ATP2B2: variants seen among roughly 807,000 people sequenced by gnomAD.
ATP2B2 encodes the protein ATPase plasma membrane Ca2+ transporting 2, also known as plasma membrane calcium-transporting ATPase 2.
In ATP2B2, 15 loss-of-function variants were observed where a neutral mutation model predicts 120.0. The observed-to-expected ratio is 0.12, with a 90% CI of 0.08 to 0.19. The LOEUF (loss-of-function observed/expected upper bound fraction) is 0.19. ATP2B2 is among the 10% of genes least tolerant of loss of function. ATP2B2 has a pLI of 1.00. For synonymous variants in ATP2B2, 694 were observed against 700.3 expected (o/e 0.99, Z 0.14); for missense variants, 1,045 against 1,719.8 (o/e 0.61, Z 6.94).
At chr3:10,419,287 T>TG (rs1410737218) in intron 2 of ATP2B2, among the ~76,000 whole-genome samples, 2 of 152,066 alleles carry the variant, frequency 1.3e-5, no homozygotes, top group African/African-American at 4.8e-5. Context: ...AATGCCTCTG[T>TG]GGGAAAAAAG....
intron 1 of ATP2B2, among the ~76,000 whole-genome samples, chr3:10,636,031 C>G (rs2070011949): frequency 6.6e-6 from 1 of 152,204 alleles, no homozygotes; most frequent in Non-Finnish European, 1.5e-5. Context: ...AGCCTGGAGA[C>G]CTCTTACACT....
chr3:10,564,675 C>T (rs1231069536), intron 2 of ATP2B2, among the ~76,000 whole-genome samples: 1 of 152,214 alleles, frequency 6.6e-6, no homozygotes, highest in Non-Finnish European at 1.5e-5. Flanking sequence ...CTTGCTACTC[C>T]TTTATGTGCC....
chr3:10,516,430 TCTC>T (rs917988346), intron 3 of ATP2B2, among the ~76,000 whole-genome samples: 31 of 152,270 alleles, frequency 2.0e-4, no homozygotes, highest in East Asian at 3.9e-4. Context: ...TCTATCTTCT[TCTC>T]CTCCTTTTTC....
At chr3:10,387,030 G>T (rs1330109000) in intron 6 of ATP2B2, among the ~76,000 whole-genome samples, 1 of 152,186 alleles carries the variant, frequency 6.6e-6, no homozygotes, top group Non-Finnish European at 1.5e-5. Flanking sequence ...TGAAGACAAT[G>T]AGTACAGGCT....
chr3:10,339,076 A>G (rs1456279532), intron 21 of ATP2B2, among the ~76,000 whole-genome samples: 1 of 152,202 alleles, frequency 6.6e-6, no homozygotes, highest in Admixed American at 6.5e-5. Context: ...AGGCGCTGGC[A>G]TGAATGCAGC....
chr3:10,575,925 C>A (rs2068234576), intron 2 of ATP2B2, among the ~76,000 whole-genome samples: 1 of 152,202 alleles, frequency 6.6e-6, no homozygotes, highest in African/African-American at 2.4e-5. Context: ...GTGTTCAGTT[C>A]TGAGCAAGAT....
intron 1 of ATP2B2, among the ~76,000 whole-genome samples, chr3:10,694,934 G>A (rs1468330907): frequency 1.3e-5 from 2 of 151,972 alleles, no homozygotes; most frequent in Non-Finnish European, 2.9e-5. Context: ...TTAATGGCTG[G>A]CCTGTATGCA....
intron 2 of ATP2B2, among the ~76,000 whole-genome samples, chr3:10,560,764 G>C (rs933641561): frequency 3.3e-5 from 5 of 152,162 alleles, no homozygotes; most frequent in Non-Finnish European, 4.4e-5. Flanking sequence ...CTGGGGGCTG[G>C]ATTCGAGCAC....
At chr3:10,351,478 A>G (rs1559546544) in intron 14 of ATP2B2, among the ~76,000 whole-genome samples, 1 of 152,164 alleles carries the variant, frequency 6.6e-6, no homozygotes, top group Non-Finnish European at 1.5e-5. Context: ...GCCTGTTAGA[A>G]TCTCCAGCCT....
intron 22 of ATP2B2, 110 bp downstream of exon 22, chr3:10,338,066 C>T: frequency 6.9e-7 from 1 of 1,458,228 alleles, no homozygotes; most frequent in Admixed American, 1.9e-5. Context: ...CTGTAGCCAC[C>T]CTCCCTCAGC....
chr3:10,498,449 T>A (rs1198707196), intron 1 of ATP2B2, among the ~76,000 whole-genome samples: 2 of 152,232 alleles, frequency 1.3e-5, no homozygotes, highest in African/African-American at 4.8e-5. Context: ...TCACTCAGCG[T>A]GGATGCCTCA....
Position 10,326,733 on chromosome 3 carries a change from C to T in ATP2B2, c.*2081G>A, listed in dbSNP as rs997349798. 6 of 398,926 alleles carry T rather than the reference C, an allele frequency of 1.5e-5. No individual in the cohort carries two copies. Among genetic ancestry groups the T allele is most frequent in the African/African-American group, 8.2e-5 (4 of 48,626 alleles). 24.7% of individuals were successfully genotyped at this position (398,926 alleles called of 1,614,324 possible). Reference sequence around the variant, plus strand: ...ACTTCTTCACGACATTCAGGTGATGCGCTCTTGAAGGTCCTCCTTCCAGGA... The same window carrying T: ...ACTTCTTCACGACATTCAGGTGATGTGCTCTTGAAGGTCCTCCTTCCAGGA... On this transcript the variant is annotated 3_prime_UTR_variant, in exon 23 of 23. Transcript: ENST00000360273.
At chr3:10,564,470 G>T (rs2067968248) in intron 2 of ATP2B2, among the ~76,000 whole-genome samples, 1 of 152,168 alleles carries the variant, frequency 6.6e-6, no homozygotes, top group South Asian at 2.1e-4. Context: ...CTCCTTGCCA[G>T]AATTGTCTGC....
chr3:10,519,573 C>T (rs1299420447), intron 3 of ATP2B2, among the ~76,000 whole-genome samples: 2 of 152,122 alleles, frequency 1.3e-5, no homozygotes, highest in Non-Finnish European at 2.9e-5. Context: ...TCCTGTGTCC[C>T]CTGCCCCTAC....
At chr3:10,540,340 A>G (rs2125493813) in intron 2 of ATP2B2, among the ~76,000 whole-genome samples, 1 of 152,280 alleles carries the variant, frequency 6.6e-6, no homozygotes, top group East Asian at 1.9e-4. Context: ...AACTAGAAAT[A>G]CCATTTGATT....
At chr3:10,414,153 A>G (rs569577476) in intron 2 of ATP2B2, among the ~76,000 whole-genome samples, 24 of 152,324 alleles carry the variant, frequency 1.6e-4, no homozygotes, top group African/African-American at 5.8e-4. Flanking sequence ...GGTTTTTGCC[A>G]AGAAAAAGTA....
chr3:10,705,675 C>T (rs114338157), intron 1 of ATP2B2, among the ~76,000 whole-genome samples: 47 of 152,320 alleles, frequency 3.1e-4, no homozygotes, highest in Non-Finnish European at 5.4e-4. Flanking sequence ...ATGGTAACAC[C>T]GGCTTCATAG....
chr3:10,371,689 C>T, intron 12 of ATP2B2, 120 bp downstream of exon 12: 1 of 1,481,500 alleles, frequency 6.7e-7, no homozygotes, highest in Non-Finnish European at 9.3e-7. Flanking sequence ...ACTATCTGAC[C>T]ATACCAAAAT....
At chr3:10,370,265 A>C (rs2061186517) in intron 12 of ATP2B2, among the ~76,000 whole-genome samples, 1 of 152,134 alleles carries the variant, frequency 6.6e-6, no homozygotes, top group Non-Finnish European at 1.5e-5. Flanking sequence ...ATCCAAGCCC[A>C]CCCCACAGGG....
Sources: gnomAD v4.1 joint callset for allele counts (sites outside exome capture counted in the v4.1 genomes callset) on GRCh38, gnomAD v4.1.1 for gene constraint, MANE v1.5 for transcripts, NCBI Gene and HGNC (gene_info 2026-07-23, HGNC 2026-07-21) for gene names.